Variants in PCDHGB1 observed in about 807,000 individuals in gnomAD.
The protein encoded by PCDHGB1 is protocadherin gamma subfamily B, 1.
Under a neutral mutation model 56.6 loss-of-function variants are expected in PCDHGB1, and 34 were observed. The observed-to-expected ratio is 0.60, with a 90% CI of 0.46 to 0.80. The LOEUF (loss-of-function observed/expected upper bound fraction) is 0.80. Among genes scored for constraint, PCDHGB1 ranks in the 30% least tolerant of loss-of-function variants. PCDHGB1 has a pLI of 0.00. For missense variants in PCDHGB1, 1,278 were observed against 1,204.6 expected (o/e 1.06, Z -0.90); for synonymous variants, 561 against 505.9 (o/e 1.11, Z -1.46).
rs1023379892 is a variant in PCDHGB1 at position 141,475,927 on chromosome 5, G to T, written c.2410-18880G>T. 1.3e-4 allele frequency: 80 copies of T among 628,362 alleles called. No individual in the cohort carries two copies. In the African/African-American group the frequency reaches 1.4e-3, roughly 11 times the overall value. The allele number at this position is 628,362 out of a possible 1,614,324, so 38.9% of individuals were successfully genotyped here. ...CGGCCAATGAAGACGCTGGAGATCG[G>T]GCCCCTGCCCGTCCCCTTTCTGCGC... On this transcript the variant is annotated intron_variant, in intron 1 of 3. Coordinates refer to ENST00000523390, the MANE Select transcript of PCDHGB1 (RefSeq NM_018922.3).
At chr5:141,356,628 T>G (rs570306240) in intron 1 of PCDHGB1, 1 of 1,614,104 alleles carries the variant, frequency 6.2e-7, no homozygotes, top group African/African-American at 1.3e-5. Context: ...CTATGACTGC[T>G]CAAGACCCTG....
intron 1 of PCDHGB1, chr5:141,399,754 A>G: frequency 6.2e-7 from 1 of 1,613,326 alleles, no homozygotes; most frequent in Non-Finnish European, 8.5e-7. Flanking sequence ...CGCAAACGTG[A>G]GCCTGCGCGT....
chr5:141,394,502 G>T, intron 1 of PCDHGB1: 1 of 1,614,226 alleles, frequency 6.2e-7, no homozygotes, highest in Non-Finnish European at 8.5e-7. Flanking sequence ...CCGAGATCCT[G>T]TACCCCGCCC....
At chr5:141,450,067 T>C (rs1007808503) in intron 1 of PCDHGB1, among the ~76,000 whole-genome samples, 4 of 147,604 alleles carry the variant, frequency 2.7e-5, no homozygotes, top group African/African-American at 1.0e-4. Context: ...AATGCAGTGG[T>C]ATGATCTTGG....
chr5:141,450,119 G>A (rs765403319), intron 1 of PCDHGB1, among the ~76,000 whole-genome samples: 2 of 148,920 alleles, frequency 1.3e-5, no homozygotes, highest in Non-Finnish European at 3.0e-5. Context: ...TGATTCTCCT[G>A]CCTTAGCCTC....
chr5:141,424,087 A>C, intron 1 of PCDHGB1: 1 of 933,106 alleles, frequency 1.1e-6, no homozygotes, highest in Non-Finnish European at 1.3e-6. Flanking sequence ...TTCCACCATT[A>C]TTTGCTATTA....
At chr5:141,359,995 T>C in intron 1 of PCDHGB1, 1 of 1,091,948 alleles carries the variant, frequency 9.2e-7, no homozygotes, top group Non-Finnish European at 1.3e-6. Flanking sequence ...GGGAACTTCC[T>C]GCACAAACCA....
chr5:141,460,608 T>A (rs2098993153), intron 1 of PCDHGB1, among the ~76,000 whole-genome samples: 1 of 152,186 alleles, frequency 6.6e-6, no homozygotes, highest in Non-Finnish European at 1.5e-5. Context: ...CTGTGTTAGA[T>A]GGATAGATAG....
chr5:141,372,713 A>T, intron 1 of PCDHGB1: 2 of 1,613,998 alleles, frequency 1.2e-6, no homozygotes, highest in South Asian at 2.2e-5. Flanking sequence ...TAAAGGCTGA[A>T]AATGCTGCAC....
intron 1 of PCDHGB1, chr5:141,404,548 G>C (rs761765539): frequency 1.2e-5 from 20 of 1,613,740 alleles, no homozygotes. Context: ...AAATGCAGGT[G>C]ACGGCAAGTG....
intron 1 of PCDHGB1, chr5:141,366,750 A>G: frequency 1.9e-6 from 3 of 1,607,760 alleles, no homozygotes; most frequent in Non-Finnish European, 2.6e-6. Flanking sequence ...CGGCGAGTTC[A>G]GGTTAGTTTT....
intron 1 of PCDHGB1, chr5:141,407,930 C>G: frequency 2.0e-6 from 1 of 498,998 alleles, no homozygotes. Context: ...CGCACGGAGC[C>G]TCTGGGCGCC....
chr5:141,458,718 C>T (rs569153299), intron 1 of PCDHGB1, among the ~76,000 whole-genome samples: 3 of 151,942 alleles, frequency 2.0e-5, no homozygotes, highest in African/African-American at 4.8e-5. Context: ...TACAGGTATT[C>T]GCCACCACAT....
At chr5:141,488,797 T>G (rs1451050520) in intron 1 of PCDHGB1, among the ~76,000 whole-genome samples, 6 of 152,158 alleles carry the variant, frequency 3.9e-5, no homozygotes, top group Non-Finnish European at 8.8e-5. Context: ...TCTTCCCTGT[T>G]GAGTACCATC....
intron 1 of PCDHGB1, chr5:141,365,210 C>A: frequency 1.2e-6 from 2 of 1,613,928 alleles, no homozygotes; most frequent in Non-Finnish European, 1.7e-6. Flanking sequence ...GACTTTCCAA[C>A]TTGATTCCAA....
intron 1 of PCDHGB1, among the ~76,000 whole-genome samples, chr5:141,429,386 T>TA (rs1561841076): frequency 9.9e-5 from 15 of 151,936 alleles, no homozygotes; most frequent in South Asian, 8.3e-4. Flanking sequence ...TGTTTTTTTT[T>TA]TAAAAAAAAT....
intron 3 of PCDHGB1, chr5:141,507,166 GTCC>G (rs1475125845): frequency 6.6e-5 from 10 of 152,288 alleles, no homozygotes; most frequent in Non-Finnish European, 1.2e-4. Context: ...ATGAGAGGCT[GTCC>G]TCTTCCTCGA....
At position 141,487,254 on chromosome 5, in the gene PCDHGB1, C is replaced by T. The variant is rs1341564301; in HGVS notation, c.2410-7553C>T. On this transcript the variant is annotated intron_variant, in intron 1 of 3. Coordinates refer to ENST00000523390, the MANE Select transcript of PCDHGB1 (RefSeq NM_018922.3). The surrounding 1 kb of genome is among the most constrained non-coding windows in gnomAD (Gnocchi z 5.0). Reference sequence around the variant, plus strand: ...GAATCTCGTCTAACCCTCTACTTGGCTGTGTCCCTAGTGGCAATTTGCTTT... The same window carrying T: ...GAATCTCGTCTAACCCTCTACTTGGTTGTGTCCCTAGTGGCAATTTGCTTT... The T allele has an allele frequency of 1.2e-6, 2 of 1,614,126 alleles. No homozygotes were observed. Among genetic ancestry groups the T allele is most frequent in the East Asian group, 4.5e-5 (2 of 44,860 alleles).
chr5:141,415,594 G>A (rs753362668), intron 1 of PCDHGB1: 1 of 1,613,866 alleles, frequency 6.2e-7, no homozygotes, highest in Non-Finnish European at 8.5e-7. Context: ...TCCTATAGAG[G>A]ATACCCCATT....
Sources: allele counts gnomAD v4.1 joint callset (sites outside exome capture counted in the v4.1 genomes callset), GRCh38; gene constraint gnomAD v4.1.1; non-coding constraint Gnocchi (gnomAD v3.1); transcripts MANE v1.5; gene names NCBI Gene and HGNC (gene_info 2026-07-23, HGNC 2026-07-21).